The following PHLDB2 variants were observed in gnomAD, a reference collection of about 807,000 sequenced individuals.
The protein encoded by PHLDB2 is pleckstrin homology like domain family B member 2.
PHLDB2 carries 71 observed loss-of-function variants against 123.6 expected under a neutral mutation model. The ratio of observed to expected loss-of-function variants is 0.57; its 90% CI spans 0.47 to 0.70. The LOEUF is 0.70. Ranked by LOEUF, PHLDB2 falls within the 30% of genes least tolerant of loss-of-function variation. The probability of loss-of-function intolerance (pLI) is 0.00; values close to 1 mark genes in which losing one functional copy is unlikely to be tolerated. For synonymous variants in PHLDB2, 547 were observed against 541.6 expected (o/e 1.01, Z -0.14); for missense variants, 1,446 against 1,519.5 (o/e 0.95, Z 0.80).
At position 111,949,625 on chromosome 3, in the gene PHLDB2, A is replaced by C. The variant is rs77883338; in HGVS notation, c.2631+550A>C. 0.016 allele frequency: 12,110 copies of C among 775,340 alleles called. 1,140 individuals carry two copies. In the African/African-American group the frequency reaches 0.2, roughly 13 times the overall value. The allele number at this position is 775,340 out of a possible 1,614,324, so 48.0% of individuals were successfully genotyped here. A position where few individuals can be genotyped will look rare whatever the true frequency, so the allele number is the denominator to read the frequency against. On this transcript the variant is annotated intron_variant, in intron 10 of 17. Transcript: ENST00000431670. ...AATTAAAATATAACAAAACAGAACAAACTATCAATTTCATTTCTATGTCTT... is the reference window on the plus strand; with the variant it reads ...AATTAAAATATAACAAAACAGAACACACTATCAATTTCATTTCTATGTCTT...
intron 1 of PHLDB2, among the ~76,000 whole-genome samples, chr3:111,745,292 A>G (rs1227038739): frequency 6.6e-6 from 1 of 152,238 alleles, no homozygotes; most frequent in Non-Finnish European, 1.5e-5. Context: ...GAAAAAACAG[A>G]TATTAAATAA....
chr3:111,845,818 C>T, intron 1 of PHLDB2: 1 of 1,613,032 alleles, frequency 6.2e-7, no homozygotes, highest in Non-Finnish European at 8.5e-7. Context: ...TTGCTGTGTG[C>T]AGGCTGGCAC....
Position 111,777,931 on chromosome 3 carries a change from G to A in PHLDB2, c.-49+45228G>A, listed in dbSNP as rs1368626269. Among the ~76,000 whole-genome samples the A allele has an allele frequency of 2.0e-5, 3 of 150,936 alleles. No homozygotes were observed. In the East Asian group the frequency reaches 5.8e-4, roughly 29 times the overall value. On this transcript the variant is annotated intron_variant, in intron 1 of 17. Transcript: ENST00000393923. ...ACCCTCCCTTTTTTTTAAGCTAAAC[G>A]GACTGGCTTCTGGCAAATCCAGACC... is the stretch of plus-strand genomic sequence containing the variant.
intron 13 of PHLDB2, among the ~76,000 whole-genome samples, chr3:111,964,285 CCACACA>C (rs144106916): frequency 6.7e-6 from 1 of 150,318 alleles, no homozygotes; most frequent in Non-Finnish European, 1.5e-5. Context: ...ATGTGTCTCA[CCACACA>C]CACACACACA....
At chr3:111,946,367 G>A (rs2070310198) in intron 9 of PHLDB2, among the ~76,000 whole-genome samples, 1 of 152,260 alleles carries the variant, frequency 6.6e-6, no homozygotes, top group Non-Finnish European at 1.5e-5. Context: ...AAAGCTAAAA[G>A]AAAAGCTTGC....
In PHLDB2 at chr3:111,954,111, G is replaced by C. The variant is rs576912867; in HGVS notation, c.2872+82G>C. 5 of 1,279,386 alleles carry C rather than the reference G, an allele frequency of 3.9e-6. No individual in the cohort carries two copies. The South Asian group carries it at 6.7e-5, about 17-fold the overall frequency. The allele number at this position is 1,279,386 out of a possible 1,614,324, so 79.3% of individuals were successfully genotyped here. On this transcript the variant is annotated intron_variant, in intron 12 of 17. Coordinates refer to ENST00000431670, the MANE Select transcript of PHLDB2 (RefSeq NM_001134438.2). The stretch of plus-strand genomic sequence containing the variant: ...GGGGGAGGAAGTGAGAACAGGGGTA[G>C]GGATGATTAGAGGAGGGATCAACCA...
At chr3:111,823,143 G>A in intron 1 of PHLDB2, among the ~76,000 whole-genome samples, 1 of 152,192 alleles carries the variant, frequency 6.6e-6, no homozygotes, top group Admixed American at 6.5e-5. Flanking sequence ...GAGGCCTAAG[G>A]GACCAGGAGG....
At chr3:111,939,861 C>G (rs1301029258) in intron 7 of PHLDB2, among the ~76,000 whole-genome samples, 3 of 152,166 alleles carry the variant, frequency 2.0e-5, no homozygotes, top group Non-Finnish European at 2.9e-5. Flanking sequence ...AAAACCAAGG[C>G]ATAGAAAATC....
intron 1 of PHLDB2, among the ~76,000 whole-genome samples, chr3:111,789,196 CT>C (rs2060812473): frequency 6.6e-6 from 1 of 152,196 alleles, no homozygotes; most frequent in Admixed American, 6.5e-5. Context: ...CAAATTATGC[CT>C]GTTGCTCAAG....
At chr3:111,788,728 A>G (rs1246055845) in intron 1 of PHLDB2, among the ~76,000 whole-genome samples, 1 of 152,198 alleles carries the variant, frequency 6.6e-6, no homozygotes, top group Non-Finnish European at 1.5e-5. Context: ...AACTTTCTTA[A>G]AACATTAGGA....
chr3:111,959,972 G>A (rs1046643654), intron 12 of PHLDB2, among the ~76,000 whole-genome samples: 1 of 152,172 alleles, frequency 6.6e-6, no homozygotes, highest in Admixed American at 6.5e-5. Context: ...TTAGGGATTT[G>A]TTTTTCATAC....
chr3:111,913,295 C>G (rs758434515), intron 2 of PHLDB2, 24 bp from the exon 3 acceptor site: 1 of 1,170,798 alleles, frequency 8.5e-7, no homozygotes, highest in East Asian at 2.3e-5. Context: ...ACCCACTGAC[C>G]TCCCCCTCCT....
chr3:111,750,098 G>A (rs1206624639), intron 1 of PHLDB2, among the ~76,000 whole-genome samples: 1 of 152,138 alleles, frequency 6.6e-6, no homozygotes, highest in African/African-American at 2.4e-5. Flanking sequence ...GGTTATATGA[G>A]TACCCAACAG....
At chr3:111,824,959 T>C (rs2062585597) in intron 1 of PHLDB2, among the ~76,000 whole-genome samples, 1 of 152,226 alleles carries the variant, frequency 6.6e-6, no homozygotes, top group African/African-American at 2.4e-5. Context: ...GTAGACCCTT[T>C]ACCTTTCTAT....
In PHLDB2 at chr3:111,867,861, C is replaced by T. The variant is rs114768343; in HGVS notation, c.-15+8285C>T. Among the ~76,000 whole-genome samples the T allele has an allele frequency of 6.4e-3, 976 of 152,050 alleles. 6 individuals are homozygous for T. Among genetic ancestry groups the T allele is most frequent in the Admixed American group, 0.011 (164 of 15,278 alleles). On this transcript the variant is annotated intron_variant, in intron 1 of 17. Transcript: ENST00000431670. ...GGACTGCAGGCTTGTGCCGCCATGC[C>T]TGGCTAATTTTTGTATATTTTGTAG... is the stretch of plus-strand genomic sequence containing the variant.
chr3:111,787,674 T>C (rs2060746686), intron 1 of PHLDB2, among the ~76,000 whole-genome samples: 1 of 152,126 alleles, frequency 6.6e-6, no homozygotes, highest in Non-Finnish European at 1.5e-5. Context: ...GCCTTTTTCC[T>C]CTTTTTCCTT....
At chr3:111,924,431 T>G (rs2068701287) in intron 5 of PHLDB2, among the ~76,000 whole-genome samples, 1 of 152,260 alleles carries the variant, frequency 6.6e-6, no homozygotes. Flanking sequence ...TGGATTTTCC[T>G]GCTAATGGCT....
chr3:111,911,608 G>A, intron 2 of PHLDB2: 4 of 1,535,758 alleles, frequency 2.6e-6, no homozygotes, highest in Non-Finnish European at 3.5e-6. Context: ...GCTCCTGGAT[G>A]GATAGGGTGC....
intron 13 of PHLDB2, among the ~76,000 whole-genome samples, chr3:111,965,978 C>G (rs2071723033): frequency 6.6e-6 from 1 of 152,118 alleles, no homozygotes. Context: ...ATACAGTTTT[C>G]TCATTGGTAT....
Sources: allele counts gnomAD v4.1 joint callset (sites outside exome capture counted in the v4.1 genomes callset), GRCh38; gene constraint gnomAD v4.1.1; transcripts MANE v1.5; gene names NCBI Gene and HGNC (gene_info 2026-07-23, HGNC 2026-07-21).